EIF4G3: variants seen among roughly 807,000 people sequenced by gnomAD.
EIF4G3 encodes eIF-4-gamma 3.
EIF4G3 carries 34 observed loss-of-function variants against 186.4 expected under a neutral mutation model. The observed-to-expected ratio is 0.18, with a 90% CI of 0.14 to 0.24. The LOEUF is 0.24. Among genes scored for constraint, EIF4G3 ranks in the 10% least tolerant of loss-of-function variants. The pLI, the probability that EIF4G3 is intolerant of heterozygous loss-of-function variation, is 1.00. For missense variants in EIF4G3, 1,536 were observed against 1,948.5 expected (o/e 0.79, Z 3.99); for synonymous variants, 673 against 679.5 (o/e 0.99, Z 0.15).
At chr1:21,072,510 T>C (rs2095473500) in intron 3 of EIF4G3, among the ~76,000 whole-genome samples, 1 of 152,236 alleles carries the variant, frequency 6.6e-6, no homozygotes, top group African/African-American at 2.4e-5. Context: ...TTCACGCCAT[T>C]CTCCTGCCTC....
At chr1:20,900,512 TA>T (rs5772923) in intron 15 of EIF4G3, among the ~76,000 whole-genome samples, 49,591 of 122,738 alleles carry the variant, frequency 0.4, 8,829 homozygotes, top group Non-Finnish European at 0.46. Flanking sequence ...ATCTTGTATA[TA>T]AAAAAAAAAA....
chr1:20,893,612 G>T lies in EIF4G3; in HGVS notation c.2158C>A (p.Arg720=), dbSNP rs778329070. ...GGCAAAATTCGAGGATCCAGAGTTC[G>T]CATTGGCAATTTGGGTTGGTTGATC... is the stretch of plus-strand genomic sequence containing the variant. ...DKINQPKLPM[R]TLDPRILPRG... is the part of the protein sequence containing the mutation. The change falls in exon 18 of 37, where the codon CGA becomes AGA. Residue 720 remains arginine (R), a synonymous_variant. Coordinates refer to ENST00000602326, the MANE Select transcript of EIF4G3 (RefSeq NM_001391906.1). 7.0e-6 allele frequency: 11 copies of T among 1,577,282 alleles called. No individual in the cohort carries two copies. The highest frequency in any genetic ancestry group is 8.7e-6 in the Non-Finnish European group (10 of 1,152,476).
chr1:21,053,718 G>A (rs1392113167), intron 3 of EIF4G3, among the ~76,000 whole-genome samples: 2 of 147,642 alleles, frequency 1.4e-5, no homozygotes, highest in East Asian at 2.0e-4. Flanking sequence ...CGGGAAGGAT[G>A]TTGGGGGGTC....
At chr1:21,011,368 C>T (rs1274377572) in intron 4 of EIF4G3, among the ~76,000 whole-genome samples, 1 of 152,056 alleles carries the variant, frequency 6.6e-6, no homozygotes, top group Admixed American at 6.6e-5. Flanking sequence ...TATAGATTTA[C>T]ACGGAATTTG....
At chr1:20,943,884 G>GAATCAATAGGCTCTCATTGCCA (rs1427234856) in intron 13 of EIF4G3, among the ~76,000 whole-genome samples, 2 of 151,780 alleles carry the variant, frequency 1.3e-5, no homozygotes, top group Non-Finnish European at 2.9e-5. Flanking sequence ...TGATGAAATA[G>GAATCAATAGGCTCTCATTGCCA]AATCAATAGG....
intron 13 of EIF4G3, among the ~76,000 whole-genome samples, chr1:20,947,905 G>A (rs1476109829): frequency 1.3e-5 from 2 of 152,094 alleles, no homozygotes; most frequent in Non-Finnish European, 2.9e-5. Flanking sequence ...GGAAATCTGG[G>A]CCTAAATATG....
chr1:20,886,100 G>C, intron 19 of EIF4G3, 101 bp downstream of exon 19: 1 of 1,353,180 alleles, frequency 7.4e-7, no homozygotes, highest in Non-Finnish European at 1.0e-6. Flanking sequence ...GTTATAAAAA[G>C]TCTTAAACTG....
chr1:21,163,934 G>A (rs996015160), intron 2 of EIF4G3, among the ~76,000 whole-genome samples: 7 of 152,002 alleles, frequency 4.6e-5, no homozygotes, highest in African/African-American at 7.2e-5. Flanking sequence ...ACCACACCTG[G>A]CTAATTTTTG....
In EIF4G3 at chr1:20,926,702, T is replaced by C. The variant is rs565665444; in HGVS notation, c.1663+14789A>G. Among the ~76,000 whole-genome samples, 387 of 148,364 alleles carry C rather than the reference T, an allele frequency of 2.6e-3. 1 individual carries two copies. The highest frequency in any genetic ancestry group is 4.5e-3 in the Non-Finnish European group (299 of 67,006). ...AAAGAAAAAAAAAAAAAAACTACAA[T>C]TTTTTCTTACCAGGGTGGTGATTTT... On this transcript the variant is annotated intron_variant, in intron 14 of 36. Coordinates refer to ENST00000602326, the MANE Select transcript of EIF4G3 (RefSeq NM_001391906.1).
chr1:21,102,193 G>C (rs1403282977), intron 2 of EIF4G3, among the ~76,000 whole-genome samples: 1 of 152,318 alleles, frequency 6.6e-6, no homozygotes, highest in African/African-American at 2.4e-5. Flanking sequence ...GCTCATGTCT[G>C]TAATCCCACC....
At chr1:21,098,877 T>G (rs962275234) in intron 2 of EIF4G3, among the ~76,000 whole-genome samples, 5 of 152,172 alleles carry the variant, frequency 3.3e-5, no homozygotes, top group African/African-American at 1.2e-4. Flanking sequence ...GTTCAAGCAA[T>G]GCTCCTGCCT....
intron 4 of EIF4G3, among the ~76,000 whole-genome samples, chr1:21,016,588 G>T (rs1288844356): frequency 6.6e-6 from 1 of 152,128 alleles, no homozygotes; most frequent in Non-Finnish European, 1.5e-5. Context: ...AGAGGCTGAA[G>T]GTCAAGGCTA....
chr1:21,170,480 G>A (rs1056877367), intron 2 of EIF4G3, among the ~76,000 whole-genome samples: 1 of 151,970 alleles, frequency 6.6e-6, no homozygotes, highest in Non-Finnish European at 1.5e-5. Context: ...AGAACAGCCT[G>A]GCCAACATGG....
intron 12 of EIF4G3, among the ~76,000 whole-genome samples, chr1:20,951,391 C>A (rs544306552): frequency 1.3e-5 from 2 of 152,096 alleles, no homozygotes; most frequent in African/African-American, 4.8e-5. Flanking sequence ...TTCCACAATT[C>A]TAAATGAAGA....
chr1:21,015,283 A>C (rs10799679), intron 4 of EIF4G3, among the ~76,000 whole-genome samples: 2 of 151,884 alleles, frequency 1.3e-5, no homozygotes, highest in Admixed American at 1.3e-4. Flanking sequence ...GGGACTTATG[A>C]GACACCATCA....
Position 20,807,148 on chromosome 1 carries a change from G to A in EIF4G3, c.*171C>T, listed in dbSNP as rs1168607451. ...AAGGTTTGAAGTTTACTTTTATCCA[G>A]TACCTTTTTCCTCCATGATCACCTT... is the stretch of plus-strand genomic sequence containing the variant. On this transcript the variant is annotated 3_prime_UTR_variant, in exon 37 of 37. Coordinates refer to ENST00000602326, the MANE Select transcript of EIF4G3 (RefSeq NM_001391906.1). 2.0e-6 allele frequency: 1 copy of A among 489,468 alleles called. No homozygotes were observed. Among genetic ancestry groups the A allele is most frequent in the Non-Finnish European group, 3.4e-6 (1 of 290,130 alleles). The allele number at this position is 489,468 out of a possible 1,614,324, so 30.3% of individuals were successfully genotyped here.
At chr1:20,923,890 T>C (rs1168454184) in intron 14 of EIF4G3, among the ~76,000 whole-genome samples, 1 of 151,782 alleles carries the variant, frequency 6.6e-6, no homozygotes, top group Admixed American at 6.6e-5. Flanking sequence ...CTTTGCCTCA[T>C]TCATCTCTGT....
intron 2 of EIF4G3, among the ~76,000 whole-genome samples, chr1:21,108,053 C>T (rs1368774558): frequency 6.6e-6 from 1 of 152,164 alleles, no homozygotes; most frequent in Non-Finnish European, 1.5e-5. Flanking sequence ...GAGATTGAAG[C>T]GGAAGGATCG....
At chr1:20,920,383 C>T (rs1200485156) in intron 14 of EIF4G3, among the ~76,000 whole-genome samples, 1 of 151,886 alleles carries the variant, frequency 6.6e-6, no homozygotes, top group Non-Finnish European at 1.5e-5. Context: ...ATGAGATAGC[C>T]TATTAATAAG....
Sources: gnomAD v4.1 joint callset for allele counts (sites outside exome capture counted in the v4.1 genomes callset) on GRCh38, gnomAD v4.1.1 for gene constraint, MANE v1.5 for transcripts, NCBI Gene and HGNC (gene_info 2026-07-23, HGNC 2026-07-21) for gene names.